Variants in TCP11L1 observed in about 807,000 individuals in gnomAD.
TCP11L1 encodes the protein T-complex protein 11-like protein 1.
In TCP11L1, 28 loss-of-function variants were observed where a neutral mutation model predicts 48.9. That is an observed-to-expected ratio of 0.57 (90% CI 0.42 to 0.78). The LOEUF (loss-of-function observed/expected upper bound fraction) is 0.78. TCP11L1 is among the 30% of genes least tolerant of loss of function. The pLI, the probability that TCP11L1 is intolerant of heterozygous loss-of-function variation, is 0.00. For missense variants in TCP11L1, 505 were observed against 613.4 expected (o/e 0.82, Z 1.87); for synonymous variants, 204 against 231.9 (o/e 0.88, Z 1.09).
chr11:33,049,457 G>T (rs910023807), intron 2 of TCP11L1, among the ~76,000 whole-genome samples: 2 of 152,094 alleles, frequency 1.3e-5, no homozygotes, highest in African/African-American at 4.8e-5. Context: ...AGTGGGCCCA[G>T]GGGACCTGCA....
intron 1 of TCP11L1, 162 bp downstream of exon 1, chr11:33,039,954 G>C (rs1000513619): frequency 1.3e-5 from 2 of 152,326 alleles, no homozygotes; most frequent in East Asian, 1.9e-4. Flanking sequence ...CTCACCCCTC[G>C]AGGCTGTCCT....
chr11:33,048,146 G>A (rs893595791), intron 2 of TCP11L1, among the ~76,000 whole-genome samples: 6 of 151,842 alleles, frequency 4.0e-5, no homozygotes, highest in South Asian at 2.1e-4. Flanking sequence ...TTTGTATCAC[G>A]TAAGATAAAC....
In TCP11L1 at chr11:33,061,612, G is replaced by A. The variant is rs574915390; in HGVS notation, c.858G>A (p.Val286=). ...AGAAGTATAAACACGCCCTGCCAGTGGGGGGAATGGCTGCTGGCTCTGGGG... is the reference window on the plus strand; with the variant it reads ...AGAAGTATAAACACGCCCTGCCAGTAGGGGGAATGGCTGCTGGCTCTGGGG... ...MTQKYKHALP[V]GGMAAGSGDM... The change falls in exon 7 of 10, where the codon GTG becomes GTA. Residue 286 remains valine (V), a synonymous_variant. Coordinates refer to ENST00000334274, the MANE Select transcript of TCP11L1 (RefSeq NM_018393.4). 3.7e-6 allele frequency: 6 copies of A among 1,612,158 alleles called. No homozygotes were observed. In the East Asian group the frequency reaches 8.9e-5, roughly 24 times the overall value.
In TCP11L1 at chr11:33,072,626, T is replaced by C. The variant is rs1220704160; in HGVS notation, c.1480T>C (p.Phe494Leu). Reference protein sequence around the residue: ...ARLVNYNKMVFCPYYDAILSK... With the variant: ...ARLVNYNKMVLCPYYDAILSK... Reference sequence around the variant, plus strand: ...CCTGGTCAACTATAACAAGATGGTCTTCTGTCCCTACTACGATGCAATCCT... The same window carrying C: ...CCTGGTCAACTATAACAAGATGGTCCTCTGTCCCTACTACGATGCAATCCT... The change falls in exon 10 of 10, where the codon TTC becomes CTC. Residue 494 changes from phenylalanine (F) to leucine (L), a missense_variant. By Grantham distance (22) the Phe-to-Leu change is conservative. Coordinates refer to ENST00000334274, the MANE Select transcript of TCP11L1 (RefSeq NM_018393.4). The C allele has an allele frequency of 3.1e-6, 5 of 1,614,048 alleles. No individual in the cohort carries two copies. Among genetic ancestry groups the C allele is most frequent in the Non-Finnish European group, 4.2e-6 (5 of 1,180,026 alleles).
At chr11:33,045,206 A>G (rs1332248993) in intron 2 of TCP11L1, among the ~76,000 whole-genome samples, 2 of 151,754 alleles carry the variant, frequency 1.3e-5, no homozygotes, top group East Asian at 1.9e-4. Flanking sequence ...AATAAAAATT[A>G]GCCAGGCATG....
In TCP11L1 at chr11:33,059,064, G is replaced by T. The variant is rs138180731; in HGVS notation, c.744G>T (p.Lys248Asn). 2.4e-4 allele frequency: 391 copies of T among 1,614,036 alleles called. No individual in the cohort carries two copies. The highest frequency in any genetic ancestry group is 3.2e-4 in the Non-Finnish European group (382 of 1,180,026). Reference sequence around the variant, plus strand: ...AGCAGTCAGTTGAATACGAAAGGAAGAAGTTTCAAGAGATTTTGGAGAGGC... The same window carrying T: ...AGCAGTCAGTTGAATACGAAAGGAATAAGTTTCAAGAGATTTTGGAGAGGC... ...LMQQSVEYER[K>N]KFQEILERQP... is the part of the protein sequence containing the mutation. Residue 248 changes from lysine (K) to asparagine (N), a missense_variant, in exon 6 of 10, where the codon AAG (lysine) becomes AAT (asparagine). Lys to Asn is a moderately conservative substitution (Grantham distance 94). This residue lies in a region of TCP11L1 where 335 missense variants were observed against 413.3 expected (regional missense o/e 0.81). Coordinates refer to ENST00000334274, the MANE Select transcript of TCP11L1 (RefSeq NM_018393.4).
At chr11:33,066,042 G>A (rs1473865766) in intron 8 of TCP11L1, 31 bp downstream of exon 8, 6 of 1,610,204 alleles carry the variant, frequency 3.7e-6, no homozygotes, top group African/African-American at 2.7e-5. Context: ...TGGATGGGAC[G>A]CAGTGGATGT....
In TCP11L1 at chr11:33,055,176, C is replaced by T. The variant is rs924794470; in HGVS notation, c.296+451C>T. On this transcript the variant is annotated intron_variant, in intron 3 of 9. Transcript: ENST00000334274. ...ACTGCCCATTATAATTATAAAAATGCCATTGATTTTAAGAAAGATCCAAGT... is the reference window on the plus strand; with the variant it reads ...ACTGCCCATTATAATTATAAAAATGTCATTGATTTTAAGAAAGATCCAAGT... Among the ~76,000 whole-genome samples, 9 of 152,232 alleles carry T rather than the reference C, an allele frequency of 5.9e-5. No homozygotes were observed. The East Asian group carries it at 1.5e-3, about 26-fold the overall frequency.
rs574915390 is a variant in TCP11L1, at chr11:33,061,612, G to C, written c.858G>C (p.Val286=). The C allele has an allele frequency of 1.1e-5, 17 of 1,612,158 alleles. No homozygotes were observed. The highest frequency in any genetic ancestry group is 2.7e-5 in the African/African-American group (2 of 74,870). ...MTQKYKHALP[V]GGMAAGSGDM... ...AGAAGTATAAACACGCCCTGCCAGT[G>C]GGGGGAATGGCTGCTGGCTCTGGGG... Residue 286 remains valine (V), a synonymous_variant, in exon 7 of 10, where the codon GTG becomes GTC. Transcript: ENST00000334274.
intron 2 of TCP11L1, among the ~76,000 whole-genome samples, chr11:33,045,630 T>C (rs1318953456): frequency 6.6e-6 from 1 of 152,176 alleles, no homozygotes; most frequent in Non-Finnish European, 1.5e-5. Context: ...AGAAGAACTT[T>C]TGGTTTAGGT....
At position 33,073,270 on chromosome 11, in the gene TCP11L1, CT is replaced by C. The variant is rs1381817341; in HGVS notation, c.*600del. On this transcript the variant is annotated 3_prime_UTR_variant, in exon 10 of 10. Coordinates refer to ENST00000334274, the MANE Select transcript of TCP11L1 (RefSeq NM_018393.4). ...CTCTCTCTCTTTTTTTTTTTACTTT[CT>C]TTTTTGTATTTAAACATTCTTTTAA... 1.3e-5 allele frequency: 2 copies of C among 149,862 alleles called. No individual in the cohort carries two copies. Among genetic ancestry groups the C allele is most frequent in the East Asian group, 2.0e-4 (1 of 5,110 alleles). The allele number at this position is 149,862 out of a possible 1,614,324, so 9.3% of individuals were successfully genotyped here.
chr11:33,044,056 T>A, intron 2 of TCP11L1, 120 bp downstream of exon 2: 1 of 1,037,776 alleles, frequency 9.6e-7, no homozygotes, highest in Non-Finnish European at 1.3e-6. Flanking sequence ...ATTGCCAATG[T>A]AGCATTTAGG....
chr11:33,065,205 G>C (rs1854580249), intron 7 of TCP11L1, among the ~76,000 whole-genome samples: 2 of 152,186 alleles, frequency 1.3e-5, no homozygotes, highest in Non-Finnish European at 2.9e-5. Flanking sequence ...ACAGCCCTGT[G>C]ATGTGGGAGT....
intron 6 of TCP11L1, among the ~76,000 whole-genome samples, chr11:33,060,652 GTGCAGGAGGGC>G (rs1441719018): frequency 6.6e-6 from 1 of 152,184 alleles, no homozygotes; most frequent in Non-Finnish European, 1.5e-5. Context: ...AAAAGCAGGG[GTGCAGGAGGGC>G]TGCTGAAAGC....
At chr11:33,046,392 G>A (rs1449669032) in intron 2 of TCP11L1, among the ~76,000 whole-genome samples, 2 of 152,248 alleles carry the variant, frequency 1.3e-5, no homozygotes, top group East Asian at 3.8e-4. Flanking sequence ...TGTCAAACCA[G>A]TACTAAGCTA....
At chr11:33,058,512 A>G (rs1381465072) in intron 5 of TCP11L1, among the ~76,000 whole-genome samples, 1 of 150,408 alleles carries the variant, frequency 6.6e-6, no homozygotes, top group Admixed American at 6.7e-5. Context: ...ACTATTTTCA[A>G]TTTAAACTTC....
In TCP11L1 at chr11:33,058,085, G is replaced by C. The variant is rs752621067; in HGVS notation, c.584G>C (p.Arg195Pro). ...ATGGGGACACTGTGTGCACCTGCTC[G>C]AGATGAGGAAGTTAAGAAACTAAAG... The part of the protein sequence containing the change: ...GMMGTLCAPA[R>P]DEEVKKLKDI... The change falls in exon 5 of 10, where the codon CGA becomes CCA. Residue 195 changes from arginine (R) to proline (P), a missense_variant. Physicochemically the swap from Arg to Pro is moderately radical, Grantham distance 103 (BLOSUM62 -2). This residue lies in a region of TCP11L1 where 335 missense variants were observed against 413.3 expected (regional missense o/e 0.81). Coordinates refer to ENST00000334274, the MANE Select transcript of TCP11L1 (RefSeq NM_018393.4). 1 of 1,614,142 alleles carries C rather than the reference G, an allele frequency of 6.2e-7. No individual in the cohort carries two copies. The highest frequency in any genetic ancestry group is 8.5e-7 in the Non-Finnish European group (1 of 1,180,020).
intron 2 of TCP11L1, among the ~76,000 whole-genome samples, chr11:33,047,757 G>C (rs1379563270): frequency 6.6e-6 from 1 of 152,236 alleles, no homozygotes. Flanking sequence ...TCCTCATGGA[G>C]CTTGCAGGCT....
chr11:33,066,055 G>T (rs1854609335), intron 8 of TCP11L1, 44 bp downstream of exon 8: 2 of 1,605,128 alleles, frequency 1.2e-6, no homozygotes, highest in Non-Finnish European at 1.7e-6. Flanking sequence ...GTGGATGTCA[G>T]AGAGCCGACT....
Sources: gnomAD v4.1 joint callset for allele counts (sites outside exome capture counted in the v4.1 genomes callset) on GRCh38, gnomAD v4.1.1 for gene constraint, gnomAD v4.1.1 regional missense constraint, MANE v1.5 for transcripts, NCBI Gene and HGNC (gene_info 2026-07-23, HGNC 2026-07-21) for gene names.